TRUB1: variants seen among roughly 807,000 people sequenced by gnomAD.
The protein encoded by TRUB1 is pseudouridylate synthase TRUB1.
TRUB1 carries 23 observed loss-of-function variants against 33.9 expected under a neutral mutation model. The ratio of observed to expected loss-of-function variants is 0.68; its 90% CI spans 0.49 to 0.96. The LOEUF (loss-of-function observed/expected upper bound fraction) is 0.96, where lower values mean the gene tolerates loss of function less well. Ranked by LOEUF, TRUB1 falls within the 40% of genes least tolerant of loss-of-function variation. The probability of loss-of-function intolerance (pLI) is 0.00; values close to 1 mark genes in which losing one functional copy is unlikely to be tolerated. For missense variants in TRUB1, 378 were observed against 422.2 expected, an observed-to-expected ratio of 0.90 and a Z score of 0.92; for synonymous variants, 163 against 165.4, an observed-to-expected ratio of 0.99 and a Z score of 0.11.
At chr10:114,974,406 T>C in intron 7 of TRUB1, 21 bp downstream of exon 7, 1 of 1,596,200 alleles carries the variant, frequency 6.3e-7, no homozygotes, top group Non-Finnish European at 8.6e-7. Flanking sequence ...AAATGAATTA[T>C]GAATTATCAT....
intron 5 of TRUB1, among the ~76,000 whole-genome samples, chr10:114,971,797 G>A (rs1282440442): frequency 1.3e-5 from 2 of 152,122 alleles, no homozygotes; most frequent in African/African-American, 4.8e-5. Flanking sequence ...TAAATTCCTT[G>A]TGCCTTTTAA....
At position 114,938,348 on chromosome 10, in the gene TRUB1, C is replaced by T. The variant is rs936112765; in HGVS notation, c.95C>T (p.Ala32Val). Residue 32 changes from alanine (A) to valine (V), a missense_variant, in exon 1 of 8, where the codon GCT becomes GTT. By Grantham distance (64) the Ala-to-Val change is moderately conservative. Coordinates refer to ENST00000298746, the MANE Select transcript of TRUB1 (RefSeq NM_139169.5). ...LETAGTVAAM[A>V]ATPSARAAAA... is the part of the protein sequence containing the mutation. ...ACTGCAGGAACGGTCGCAGCAATGG[C>T]TGCGACCCCGTCAGCAAGGGCTGCA... 3 of 1,603,930 alleles carry T rather than the reference C, an allele frequency of 1.9e-6. No individual in the cohort carries two copies. The African/African-American group carries it at 4.0e-5, about 21-fold the overall frequency.
intron 4 of TRUB1, chr10:114,960,114 G>C: frequency 3.7e-6 from 1 of 269,958 alleles, no homozygotes; most frequent in Non-Finnish European, 6.9e-6. Context: ...TAGTAAACGA[G>C]AAACAAAGCA....
chr10:114,970,486 C>A, intron 5 of TRUB1, 46 bp downstream of exon 5: 3 of 1,335,840 alleles, frequency 2.2e-6, no homozygotes, highest in Non-Finnish European at 2.2e-6. Flanking sequence ...TTTTCTTTTC[C>A]AATGGTTAAC....
chr10:114,938,402 CCG>C lies in TRUB1; in HGVS notation c.150_151del (p.Gly51IlefsTer109). ...GCGGTGGTTGCGGCCGCGGCCAGGA[CCG>C]GATCCGAAGCCAGGGTCTCCAAGGC... On this transcript the variant is annotated frameshift_variant, in exon 1 of 8. Coordinates refer to ENST00000298746, the MANE Select transcript of TRUB1 (RefSeq NM_139169.5). LOFTEE classifies it high-confidence loss of function. 1 of 1,604,392 alleles carries C rather than the reference CCG, an allele frequency of 6.2e-7. No homozygotes were observed. The highest frequency in any genetic ancestry group is 1.1e-5 in the South Asian group (1 of 90,220).
chr10:114,964,664 A>C (rs902109276), intron 4 of TRUB1, among the ~76,000 whole-genome samples: 14 of 151,780 alleles, frequency 9.2e-5, no homozygotes, highest in Admixed American at 7.2e-4. Context: ...TTTGCCTTTC[A>C]TGTTCCCTCT....
chr10:114,939,488 A>G (rs1019717247), intron 1 of TRUB1, among the ~76,000 whole-genome samples: 48 of 37,062 alleles, frequency 1.3e-3, no homozygotes, highest in Non-Finnish European at 2.3e-3. Context: ...TAAACCAGTA[A>G]CAGGGACTTT....
intron 6 of TRUB1, 93 bp downstream of exon 6, chr10:114,972,367 G>T (rs923985206): frequency 2.2e-6 from 3 of 1,366,114 alleles, no homozygotes; most frequent in African/African-American, 3.0e-5. Context: ...TCCGTAGGAT[G>T]TTGGAGATTT....
At chr10:114,944,129 C>T (rs1164581482) in intron 2 of TRUB1, among the ~76,000 whole-genome samples, 10 of 151,266 alleles carry the variant, frequency 6.6e-5, no homozygotes, top group Admixed American at 4.6e-4. Context: ...ACAGAACTAC[C>T]TACATACATT....
At chr10:114,941,356 AG>A in intron 1 of TRUB1, among the ~76,000 whole-genome samples, 1 of 150,654 alleles carries the variant, frequency 6.6e-6, no homozygotes, top group East Asian at 1.9e-4. Context: ...TTTTTTAAAC[AG>A]GACAGGATCT....
At chr10:114,945,124 A>G (rs914727884) in intron 2 of TRUB1, among the ~76,000 whole-genome samples, 3 of 152,364 alleles carry the variant, frequency 2.0e-5, no homozygotes, top group Non-Finnish European at 2.9e-5. Flanking sequence ...AGAAGAAGAA[A>G]GGAAGACCCT....
In TRUB1 at chr10:114,975,230, G is replaced by C; in HGVS notation, c.901G>C (p.Ala301Pro). Residue 301 changes from alanine (A) to proline (P), a missense_variant, in exon 8 of 8, where the codon GCA becomes CCA. Physicochemically the swap from Ala to Pro is conservative, Grantham distance 27. Transcript: ENST00000298746. ...AGACAAATGGACAATTGATGACATT[G>C]CACAGTCTCTTGAGCATTGCTCATC... ...PEDKWTIDDI[A>P]QSLEHCSSLF... 1 of 1,613,648 alleles carries C rather than the reference G, an allele frequency of 6.2e-7. No homozygotes were observed. The highest frequency in any genetic ancestry group is 8.5e-7 in the Non-Finnish European group (1 of 1,179,710).
At chr10:114,966,939 T>G (rs1458942736) in intron 4 of TRUB1, among the ~76,000 whole-genome samples, 2 of 152,230 alleles carry the variant, frequency 1.3e-5, no homozygotes, top group Admixed American at 1.3e-4. Flanking sequence ...GGGGTGTCTA[T>G]CAAATGACTT....
At chr10:114,946,300 T>C (rs143892126) in intron 2 of TRUB1, among the ~76,000 whole-genome samples, 2 of 152,290 alleles carry the variant, frequency 1.3e-5, no homozygotes, top group African/African-American at 4.8e-5. Flanking sequence ...TATAGATATA[T>C]ACTTTATCCT....
chr10:114,974,482 G>T, intron 7 of TRUB1, 97 bp downstream of exon 7: 1 of 1,035,538 alleles, frequency 9.7e-7, no homozygotes, highest in Non-Finnish European at 1.5e-6. Flanking sequence ...TCTGAGTACT[G>T]GCCTTAGGAA....
At position 114,964,140 on chromosome 10, in the gene TRUB1, C is replaced by A. The variant is rs10885640; in HGVS notation, c.523+4333C>A. On this transcript the variant is annotated intron_variant, in intron 4 of 7. Coordinates refer to ENST00000298746, the MANE Select transcript of TRUB1 (RefSeq NM_139169.5). ...GGAGTGCATAAGCATTCCACTTGCC[C>A]CACATACTTAGCTATTAATAGTGTT... Among the ~76,000 whole-genome samples the A allele has an allele frequency of 8.0e-3, 1,220 of 152,242 alleles. 7 individuals are homozygous for A. Among genetic ancestry groups the A allele is most frequent in the Non-Finnish European group, 0.013 (898 of 68,014 alleles).
At chr10:114,962,328 G>A (rs900295992) in intron 4 of TRUB1, among the ~76,000 whole-genome samples, 1 of 152,190 alleles carries the variant, frequency 6.6e-6, no homozygotes, top group Non-Finnish European at 1.5e-5. Flanking sequence ...AGTGAAAAAT[G>A]CTATTTAGGA....
intron 2 of TRUB1, among the ~76,000 whole-genome samples, chr10:114,948,293 A>G (rs181581276): frequency 5.3e-5 from 8 of 152,318 alleles, no homozygotes; most frequent in Admixed American, 4.6e-4. Context: ...TGGTTGTAGA[A>G]GTCCTACTGA....
chr10:114,939,090 C>T (rs529219024), intron 1 of TRUB1, among the ~76,000 whole-genome samples: 6 of 152,174 alleles, frequency 3.9e-5, no homozygotes, highest in Non-Finnish European at 7.3e-5. Context: ...AACTGCAATT[C>T]TAAATAGTTG....
Sources: allele counts gnomAD v4.1 joint callset (sites outside exome capture counted in the v4.1 genomes callset), GRCh38; gene constraint gnomAD v4.1.1; transcripts MANE v1.5; gene names NCBI Gene and HGNC (gene_info 2026-07-23, HGNC 2026-07-21).